SLC39A11: variants seen among roughly 807,000 people sequenced by gnomAD.
SLC39A11 encodes solute carrier family 39 member 11.
SLC39A11 carries 33 observed loss-of-function variants against 36.1 expected under a neutral mutation model. That is an observed-to-expected ratio of 0.91 (90% CI 0.69 to 1.22). The LOEUF is 1.22. Ranked by LOEUF, SLC39A11 falls within the 50% of genes most tolerant of loss-of-function variation. SLC39A11 has a pLI of 0.00. For missense variants in SLC39A11, 432 were observed against 430.3 expected, an observed-to-expected ratio of 1.00 and a Z score of -0.03; for synonymous variants, 166 against 170.3, an observed-to-expected ratio of 0.97 and a Z score of 0.20.
At chr17:72,702,998 G>A (rs1209543834) in intron 7 of SLC39A11, among the ~76,000 whole-genome samples, 1 of 151,176 alleles carries the variant, frequency 6.6e-6, no homozygotes, top group Non-Finnish European at 1.5e-5. Context: ...GTCTTTGTGG[G>A]GTTGGGAGTC....
At chr17:72,886,538 C>A (rs1259252872) in intron 5 of SLC39A11, among the ~76,000 whole-genome samples, 1 of 152,174 alleles carries the variant, frequency 6.6e-6, no homozygotes, top group Non-Finnish European at 1.5e-5. Context: ...GCTATCCTCC[C>A]CCACTACAAA....
chr17:72,712,969 C>G (rs2073174459), intron 7 of SLC39A11: 1 of 152,142 alleles, frequency 6.6e-6, no homozygotes, highest in Admixed American at 6.6e-5. Context: ...GGCAGGAAAC[C>G]AAGTTCAAGA....
At chr17:73,086,066 A>C (rs562140025) in intron 2 of SLC39A11, among the ~76,000 whole-genome samples, 46 of 152,326 alleles carry the variant, frequency 3.0e-4, no homozygotes, top group Admixed American at 2.5e-3. Flanking sequence ...AACAGGGAAA[A>C]TATCCGTGCT....
chr17:72,915,057 C>T (rs183035503), intron 5 of SLC39A11, among the ~76,000 whole-genome samples: 23 of 152,194 alleles, frequency 1.5e-4, no homozygotes, highest in Admixed American at 6.5e-5. Context: ...CTGTCCTGAC[C>T]GGAGCCTCCC....
At chr17:72,794,339 C>T (rs2145124803) in intron 6 of SLC39A11, among the ~76,000 whole-genome samples, 1 of 152,252 alleles carries the variant, frequency 6.6e-6, no homozygotes, top group East Asian at 1.9e-4. Flanking sequence ...CCAGCCCCCA[C>T]CAAGCCAGCG....
chr17:73,031,540 G>C lies in SLC39A11; in HGVS notation c.306+16C>G. 1.2e-6 allele frequency: 2 copies of C among 1,613,870 alleles called. No individual in the cohort carries two copies. Among genetic ancestry groups the C allele is most frequent in the Non-Finnish European group, 1.7e-6 (2 of 1,179,874 alleles). On this transcript the variant is annotated intron_variant, in intron 4 of 9. Transcript: ENST00000255559. Reference sequence around the variant, plus strand: ...TTGTATCCCGATACGACAGCTAAAAGTAGAGTGGTACTCACCAAGTGAGGC... The same window carrying C: ...TTGTATCCCGATACGACAGCTAAAACTAGAGTGGTACTCACCAAGTGAGGC...
At chr17:72,657,178 G>A (rs1410080854) in intron 7 of SLC39A11, among the ~76,000 whole-genome samples, 1 of 152,062 alleles carries the variant, frequency 6.6e-6, no homozygotes, top group East Asian at 1.9e-4. Context: ...TGGTCAACAC[G>A]GTGAAACTCC....
At chr17:73,036,013 G>T (rs1263635595) in intron 3 of SLC39A11, among the ~76,000 whole-genome samples, 1 of 152,058 alleles carries the variant, frequency 6.6e-6, no homozygotes, top group African/African-American at 2.4e-5. Context: ...AAGGGAGGTG[G>T]CCCCAAGATG....
At chr17:72,911,323 G>A (rs66479497) in intron 5 of SLC39A11, among the ~76,000 whole-genome samples, 77,235 of 151,218 alleles carry the variant, frequency 0.51, 19,668 homozygotes, top group African/African-American at 0.54. Flanking sequence ...GTTAAATGAC[G>A]AGTTAATGGG....
At chr17:72,855,883 C>T (rs1225109573) in intron 5 of SLC39A11, among the ~76,000 whole-genome samples, 2 of 149,822 alleles carry the variant, frequency 1.3e-5, no homozygotes, top group Non-Finnish European at 3.0e-5. Context: ...GGCGACAAAG[C>T]GAGAATCCGT....
chr17:72,959,323 GTGTATATATA>G (rs71154937), intron 4 of SLC39A11, among the ~76,000 whole-genome samples: 7,026 of 81,144 alleles, frequency 0.087, 296 homozygotes, highest in East Asian at 0.24. Context: ...GTGTGTGTGT[GTGTATATATA>G]TATATATATA....
intron 6 of SLC39A11, among the ~76,000 whole-genome samples, chr17:72,811,825 AGAT>A (rs1189313537): frequency 4.6e-5 from 7 of 152,242 alleles, no homozygotes; most frequent in Non-Finnish European, 4.4e-5. Flanking sequence ...ACTACTGACC[AGAT>A]GATAAGGGAA....
chr17:72,914,890 T>TAAATAAATAAATAAA (rs1555629723), intron 5 of SLC39A11, among the ~76,000 whole-genome samples: 3 of 120,998 alleles, frequency 2.5e-5, no homozygotes, highest in Non-Finnish European at 4.1e-5. Context: ...ATAAATAAAA[T>TAAATAAATAAATAAA]TGAATATCTG....
intron 5 of SLC39A11, among the ~76,000 whole-genome samples, chr17:72,914,319 G>GA (rs2083210929): frequency 6.8e-6 from 1 of 146,658 alleles, no homozygotes; most frequent in Non-Finnish European, 1.5e-5. Context: ...CCATCTCGGG[G>GA]GAAAAAAAAA....
chr17:72,728,466 G>A (rs2074023965), intron 7 of SLC39A11, among the ~76,000 whole-genome samples: 1 of 151,522 alleles, frequency 6.6e-6, no homozygotes, highest in Admixed American at 6.6e-5. Flanking sequence ...GGAAAGGAAA[G>A]GAACAAAGGA....
chr17:72,714,036 C>T lies in SLC39A11; in HGVS notation c.671+22614G>A, dbSNP rs571220970. ...AGGCCGTGCATAGATATTAGGTTTGCCGCAAAATTGTGGGTTTTGGCTGGG... is the reference window on the plus strand; with the variant it reads ...AGGCCGTGCATAGATATTAGGTTTGTCGCAAAATTGTGGGTTTTGGCTGGG... On this transcript the variant is annotated intron_variant, in intron 7 of 9. Coordinates refer to ENST00000255559, the MANE Select transcript of SLC39A11 (RefSeq NM_139177.4). Among the ~76,000 whole-genome samples, 4 of 152,310 alleles carry T rather than the reference C, an allele frequency of 2.6e-5. No individual in the cohort carries two copies. In the East Asian group the frequency reaches 5.8e-4, roughly 22 times the overall value.
intron 5 of SLC39A11, among the ~76,000 whole-genome samples, chr17:72,913,174 T>C (rs1284079405): frequency 1.3e-5 from 2 of 150,162 alleles, no homozygotes; most frequent in African/African-American, 2.5e-5. Context: ...AGGAAAGAAA[T>C]TGGAGGGTGT....
intron 6 of SLC39A11, among the ~76,000 whole-genome samples, chr17:72,754,041 TATATACACATACACACACACAC>T (rs1287042395): frequency 1.8e-5 from 1 of 54,546 alleles, no homozygotes; most frequent in Non-Finnish European, 4.3e-5. Context: ...TATATATATA[TATATACACATACACACACACAC>T]ACACACACAC....
chr17:72,652,273 C>A (rs1466009088), intron 7 of SLC39A11, among the ~76,000 whole-genome samples: 3 of 152,224 alleles, frequency 2.0e-5, no homozygotes, highest in Non-Finnish European at 4.4e-5. Flanking sequence ...AAACCACAGA[C>A]CCTGGGCATT....
Sources: gnomAD v4.1 joint callset for allele counts (sites outside exome capture counted in the v4.1 genomes callset) on GRCh38, gnomAD v4.1.1 for gene constraint, MANE v1.5 for transcripts, NCBI Gene and HGNC (gene_info 2026-07-23, HGNC 2026-07-21) for gene names.